The following EPB41 variants were observed in gnomAD, a reference collection of about 807,000 sequenced individuals.
EPB41 encodes protein 4.1.
Under a neutral mutation model 108.0 loss-of-function variants are expected in EPB41, and 65 were observed. That is an observed-to-expected ratio of 0.60 (90% CI 0.49 to 0.74). The LOEUF is 0.74. Among genes scored for constraint, EPB41 ranks in the 30% least tolerant of loss-of-function variants. The pLI, the probability that EPB41 is intolerant of heterozygous loss-of-function variation, is 0.00. For missense variants in EPB41, 875 were observed against 1,037.0 expected, an observed-to-expected ratio of 0.84 and a Z score of 2.15; for synonymous variants, 336 against 358.9, an observed-to-expected ratio of 0.94 and a Z score of 0.72.
intron 1 of EPB41, among the ~76,000 whole-genome samples, chr1:28,941,064 C>G (rs1557747278): frequency 6.6e-6 from 1 of 152,010 alleles, no homozygotes. Flanking sequence ...ACATTATCAT[C>G]ACATTTAATG....
In EPB41 at chr1:28,960,958, C is replaced by T. The variant is rs558917581; in HGVS notation, c.-7-26473C>T. ...CTGAGGCAGGAAAATCACTTGAACT[C>T]TGGAGGCGGAGGTTGCAGTGAGCCG... On this transcript the variant is annotated intron_variant, in intron 1 of 20. Transcript: ENST00000343067. Among the ~76,000 whole-genome samples, 19 of 147,082 alleles carry T rather than the reference C, an allele frequency of 1.3e-4. No homozygotes were observed. The South Asian group carries it at 4.1e-3, about 32-fold the overall frequency.
chr1:28,896,605 TC>T (rs1404788573), intron 1 of EPB41, among the ~76,000 whole-genome samples: 1 of 152,118 alleles, frequency 6.6e-6, no homozygotes, highest in Non-Finnish European at 1.5e-5. Flanking sequence ...AAAAAGACAT[TC>T]CTAGTGGAAG....
intron 7 of EPB41, among the ~76,000 whole-genome samples, chr1:29,030,068 G>A (rs925106614): frequency 6.6e-6 from 1 of 152,050 alleles, no homozygotes; most frequent in Non-Finnish European, 1.5e-5. Flanking sequence ...TATGTATGTC[G>A]GAGAAAAAGA....
At chr1:29,034,473 C>T (rs1442613775) in intron 9 of EPB41, among the ~76,000 whole-genome samples, 1 of 152,192 alleles carries the variant, frequency 6.6e-6, no homozygotes, top group Non-Finnish European at 1.5e-5. Flanking sequence ...TCTGTCATTT[C>T]ATAGCTGTCA....
At chr1:28,941,168 A>G (rs1236395410) in intron 1 of EPB41, among the ~76,000 whole-genome samples, 1 of 151,512 alleles carries the variant, frequency 6.6e-6, no homozygotes, top group African/African-American at 2.4e-5. Flanking sequence ...ACTTGAGCTC[A>G]GGAGTTCGAG....
chr1:29,085,904 T>A (rs1658695138), intron 16 of EPB41, among the ~76,000 whole-genome samples: 1 of 152,184 alleles, frequency 6.6e-6, no homozygotes, highest in Non-Finnish European at 1.5e-5. Flanking sequence ...AATATTATAT[T>A]CCCCTTATAA....
chr1:28,908,478 C>A (rs909011753), intron 1 of EPB41, among the ~76,000 whole-genome samples: 2 of 150,678 alleles, frequency 1.3e-5, no homozygotes, highest in Non-Finnish European at 1.5e-5. Flanking sequence ...GTTGCCCAAG[C>A]TGGAGTGCAG....
At chr1:28,959,159 A>G (rs1382289885) in intron 1 of EPB41, among the ~76,000 whole-genome samples, 2 of 151,380 alleles carry the variant, frequency 1.3e-5, no homozygotes, top group Non-Finnish European at 2.9e-5. Flanking sequence ...GTGCTATGGG[A>G]AAGGAGTTTG....
At chr1:29,005,194 G>A (rs746627990) in intron 4 of EPB41, among the ~76,000 whole-genome samples, 1 of 152,164 alleles carries the variant, frequency 6.6e-6, no homozygotes, top group Non-Finnish European at 1.5e-5. Flanking sequence ...CATGGCAGAA[G>A]ACTATGGGGA....
intron 1 of EPB41, among the ~76,000 whole-genome samples, chr1:28,909,360 T>C (rs1170780619): frequency 2.6e-5 from 4 of 151,990 alleles, no homozygotes; most frequent in African/African-American, 9.7e-5. Flanking sequence ...CCCAGCTACT[T>C]GGGAGGATGA....
intron 1 of EPB41, among the ~76,000 whole-genome samples, chr1:28,964,168 G>T (rs1478239652): frequency 6.6e-6 from 1 of 152,172 alleles, no homozygotes; most frequent in African/African-American, 2.4e-5. Flanking sequence ...GGCTTGGTGG[G>T]GTGGCTTATG....
intron 1 of EPB41, among the ~76,000 whole-genome samples, chr1:28,974,753 A>G (rs1412213148): frequency 6.6e-6 from 1 of 152,050 alleles, no homozygotes. Flanking sequence ...AGATACTTGC[A>G]AGATATTAAT....
chr1:28,913,705 C>A (rs1413605491), upstream of EPB41, among the ~76,000 whole-genome samples: 1 of 152,154 alleles, frequency 6.6e-6, no homozygotes, highest in Non-Finnish European at 1.5e-5. Flanking sequence ...TTCTAGGTAT[C>A]ATGCTTAAAA....
At chr1:29,059,074 A>G (rs1279064451) in intron 14 of EPB41, among the ~76,000 whole-genome samples, 1 of 152,172 alleles carries the variant, frequency 6.6e-6, no homozygotes, top group Non-Finnish European at 1.5e-5. Flanking sequence ...CAGGAGTTTG[A>G]GACCAGCCTG....
At chr1:28,985,172 C>G (rs1387773107) in intron 1 of EPB41, among the ~76,000 whole-genome samples, 1 of 151,966 alleles carries the variant, frequency 6.6e-6, no homozygotes, top group African/African-American at 2.4e-5. Context: ...CCATGCTGAC[C>G]AGGCTGGTCT....
chr1:28,997,360 T>G, intron 4 of EPB41, 41 bp downstream of exon 4: 1 of 1,206,602 alleles, frequency 8.3e-7, no homozygotes, highest in Non-Finnish European at 1.2e-6. Context: ...GACAAAAAAT[T>G]TATTTTAATT....
chr1:29,092,459 G>T (rs1362142434), intron 16 of EPB41, among the ~76,000 whole-genome samples: 1 of 152,134 alleles, frequency 6.6e-6, no homozygotes, highest in South Asian at 2.1e-4. Flanking sequence ...CTCTTACCAA[G>T]ATTTCATGCC....
rs11362146 is a variant in EPB41 at position 29,016,342 on chromosome 1, ATTTTT to A, written c.905+589_905+593del. Among the ~76,000 whole-genome samples the A allele has an allele frequency of 2.0e-3, 275 of 135,780 alleles. 1 individual carries two copies. Among genetic ancestry groups the A allele is most frequent in the African/African-American group, 7.4e-3 (265 of 35,790 alleles). 89.1% of individuals were successfully genotyped at this position (135,780 alleles called of 152,430 possible). ...AGATGTGCACCACCACGCCCTGCTA[ATTTTT>A]TTTTTTTTTTTTTGTATTTTTAGTA... On this transcript the variant is annotated intron_variant, in intron 6 of 20. Coordinates refer to ENST00000343067, the MANE Select transcript of EPB41 (RefSeq NM_001376013.1).
At chr1:28,911,183 T>C, upstream of EPB41, 1 of 985,346 alleles carries the variant, frequency 1.0e-6, no homozygotes, top group Non-Finnish European at 1.2e-6. Context: ...CTGGCAACAC[T>C]CAGAGATTGG....
Sources: allele counts gnomAD v4.1 joint callset (sites outside exome capture counted in the v4.1 genomes callset), GRCh38; gene constraint gnomAD v4.1.1; transcripts MANE v1.5; gene names NCBI Gene and HGNC (gene_info 2026-07-23, HGNC 2026-07-21).